Variants in DPYSL5 observed in about 807,000 individuals in gnomAD.
DPYSL5 encodes dihydropyrimidinase-related protein 5.
A neutral mutation model predicts 58.4 loss-of-function variants in DPYSL5; 9 were observed. The observed-to-expected ratio is 0.15, with a 90% CI of 0.09 to 0.27. DPYSL5 has a LOEUF of 0.27. DPYSL5 is among the 10% of genes least tolerant of loss of function. DPYSL5 has a pLI of 1.00. For synonymous variants in DPYSL5, 293 were observed against 301.9 expected (o/e 0.97, Z 0.31); for missense variants, 499 against 770.6 (o/e 0.65, Z 4.17).
intron 2 of DPYSL5, among the ~76,000 whole-genome samples, chr2:26,912,675 G>A (rs1664472164): frequency 6.6e-6 from 1 of 152,344 alleles, no homozygotes; most frequent in African/African-American, 2.4e-5. Context: ...GGAGCCAGCC[G>A]GCTCCGTACT....
Position 26,949,062 on chromosome 2 carries a change from T to G in DPYSL5, c.*2067T>G, listed in dbSNP as rs1028491276. 2.6e-5 allele frequency: 4 copies of G among 152,146 alleles called. No individual in the cohort carries two copies. Among genetic ancestry groups the G allele is most frequent in the Non-Finnish European group, 5.9e-5 (4 of 68,032 alleles). 9.4% of individuals were successfully genotyped at this position (152,146 alleles called of 1,614,324 possible). On this transcript the variant is annotated 3_prime_UTR_variant, in exon 13 of 13. Coordinates refer to ENST00000288699, the MANE Select transcript of DPYSL5 (RefSeq NM_020134.4). ...AGTGTCTGTGATGACCCTCCCAACC[T>G]TGGCTATCTACCCCACCTGTGGAGA...
Position 26,927,277 on chromosome 2 carries a change from G to A in DPYSL5, c.445G>A (p.Val149Met), listed in dbSNP as rs199808218. The A allele has an allele frequency of 3.7e-6, 6 of 1,614,048 alleles. No homozygotes were observed. In the Admixed American group the frequency reaches 6.7e-5, roughly 18 times the overall value. ...GGTGAAAGCAGAAATGGAGACACTG[G>A]TGAGGGAGAAGGGTGTCAACTCGTT... ...PKVKAEMETL[V>M]REKGVNSFQM... Residue 149 changes from valine (V) to methionine (M), a missense_variant, in exon 4 of 13, where the codon GTG becomes ATG. Val to Met is a conservative substitution (Grantham distance 21). This residue lies in a region of DPYSL5 where 404 missense variants were observed against 647.6 expected (regional missense o/e 0.62). Coordinates refer to ENST00000288699, the MANE Select transcript of DPYSL5 (RefSeq NM_020134.4). This position sits in a 1 kb window ranked among gnomAD's most constrained non-coding sequence, Gnocchi z 4.3.
chr2:26,892,786 AG>A (rs2148132961), intron 1 of DPYSL5, among the ~76,000 whole-genome samples: 1 of 152,056 alleles, frequency 6.6e-6, no homozygotes, highest in East Asian at 1.9e-4. Context: ...AGAGAGAGAG[AG>A]AGAGAGAATG....
intron 1 of DPYSL5, among the ~76,000 whole-genome samples, chr2:26,883,463 A>C (rs1663625185): frequency 6.6e-6 from 1 of 152,136 alleles, no homozygotes; most frequent in Non-Finnish European, 1.5e-5. Flanking sequence ...CAGTGGTGCG[A>C]TCTTGGCTCA....
At chr2:26,937,494 C>T (rs956250820) in intron 8 of DPYSL5, among the ~76,000 whole-genome samples, 1 of 152,134 alleles carries the variant, frequency 6.6e-6, no homozygotes, top group Non-Finnish European at 1.5e-5. Context: ...AAAATTCAGA[C>T]ACCAATTATT....
At chr2:26,852,536 AC>A (rs1158622881) in intron 1 of DPYSL5, among the ~76,000 whole-genome samples, 1 of 152,060 alleles carries the variant, frequency 6.6e-6, no homozygotes, top group Non-Finnish European at 1.5e-5. Context: ...CATTGATTGA[AC>A]CCGAGCTTGC....
Position 26,894,075 on chromosome 2 carries a change from A to G in DPYSL5, c.-4-4421A>G, listed in dbSNP as rs146127053. Among the ~76,000 whole-genome samples the G allele has an allele frequency of 1.7e-3, 256 of 148,956 alleles. 4 individuals carry two copies. The East Asian group carries it at 0.039, about 23-fold the overall frequency. ...AACAATTTTATATACTTATAATTAT[A>G]TAATTATAATTCATATTATAAATAT... is the stretch of plus-strand genomic sequence containing the variant. On this transcript the variant is annotated intron_variant, in intron 1 of 12. Transcript: ENST00000288699.
At position 26,925,608 on chromosome 2, in the gene DPYSL5, T is replaced by C. The variant is rs1377322851; in HGVS notation, c.420+563T>C. Among the ~76,000 whole-genome samples the C allele has an allele frequency of 6.6e-6, 1 of 152,186 alleles. No individual in the cohort carries two copies. The highest frequency in any genetic ancestry group is 2.4e-5 in the African/African-American group (1 of 41,444). ...GACTGAGGCTGGCACCCCCTGAGCC[T>C]TTCTCAGTTCAGCCTCTGTGCCTCC... On this transcript the variant is annotated intron_variant, in intron 3 of 12. Coordinates refer to ENST00000288699, the MANE Select transcript of DPYSL5 (RefSeq NM_020134.4). This position sits in a 1 kb window ranked among gnomAD's most constrained non-coding sequence, Gnocchi z 4.5.
intron 2 of DPYSL5, among the ~76,000 whole-genome samples, chr2:26,916,706 T>C (rs1664573425): frequency 6.6e-6 from 1 of 152,208 alleles, no homozygotes; most frequent in African/African-American, 2.4e-5. Context: ...CTTCCTATCC[T>C]AACATGACCT....
At position 26,849,237 on chromosome 2, in the gene DPYSL5, G is replaced by C. The variant is rs1665682286; in HGVS notation, c.-5+983G>C. Among the ~76,000 whole-genome samples, 1 of 151,936 alleles carries C rather than the reference G, an allele frequency of 6.6e-6. No individual in the cohort carries two copies. Among genetic ancestry groups the C allele is most frequent in the Non-Finnish European group, 1.5e-5 (1 of 67,936 alleles). ...GCTGAAGAATGGGGAGGGGAGGAGG[G>C]ATGCAGGCGGGTGGAGGCCGCCTGG... On this transcript the variant is annotated intron_variant, in intron 1 of 12. Coordinates refer to ENST00000288699, the MANE Select transcript of DPYSL5 (RefSeq NM_020134.4). The surrounding 1 kb of genome is among the most constrained non-coding windows in gnomAD (Gnocchi z 6.2).
chr2:26,870,247 C>G (rs1251210412), intron 1 of DPYSL5, among the ~76,000 whole-genome samples: 1 of 152,106 alleles, frequency 6.6e-6, no homozygotes, highest in African/African-American at 2.4e-5. Context: ...TCGTTTTGTC[C>G]TGTTCCATGG....
chr2:26,888,177 T>C (rs113022967), intron 1 of DPYSL5, among the ~76,000 whole-genome samples: 1 of 152,070 alleles, frequency 6.6e-6, no homozygotes, highest in Non-Finnish European at 1.5e-5. Context: ...TTTCTTTCTC[T>C]TTCTTTCTTT....
At chr2:26,913,049 C>G (rs1323704088) in intron 2 of DPYSL5, among the ~76,000 whole-genome samples, 2 of 152,162 alleles carry the variant, frequency 1.3e-5, no homozygotes, top group Middle Eastern at 3.2e-3. Flanking sequence ...GTAACCCCTC[C>G]CCTAGAGTTA....
intron 1 of DPYSL5, among the ~76,000 whole-genome samples, chr2:26,862,887 G>T (rs757067302): frequency 5.3e-5 from 8 of 152,326 alleles, no homozygotes; most frequent in Non-Finnish European, 1.0e-4. Flanking sequence ...AATGTGTACA[G>T]CCTATTCCAG....
chr2:26,879,785 T>C (rs757076169), intron 1 of DPYSL5, among the ~76,000 whole-genome samples: 1 of 152,210 alleles, frequency 6.6e-6, no homozygotes, highest in Non-Finnish European at 1.5e-5. Context: ...TCAGCTCTTA[T>C]TATTGTGTTT....
chr2:26,884,163 G>A (rs1366405013), intron 1 of DPYSL5, among the ~76,000 whole-genome samples: 7 of 152,204 alleles, frequency 4.6e-5, no homozygotes, highest in African/African-American at 9.7e-5. Context: ...AGTCGGTGCC[G>A]GGTGGGCGAG....
rs201718599 is a variant in DPYSL5 at position 26,932,046 on chromosome 2, AAGGAAAGAAAG to A, written c.714+364_714+374del. 2.0e-4 allele frequency among the ~76,000 whole-genome samples: 13 copies of A among 63,678 alleles called. No homozygotes were observed. The East Asian group carries it at 4.2e-3, about 21-fold the overall frequency. 41.8% of individuals were successfully genotyped at this position (63,678 alleles called of 152,430 possible). The stretch of plus-strand genomic sequence containing the variant: ...AAAAAGAAAGAAAAGAAAAGAAAGA[AAGGAAAGAAAG>A]AAAGAAAGAAAGAAAGAAAGAAAGA... On this transcript the variant is annotated intron_variant, in intron 6 of 12. Coordinates refer to ENST00000288699, the MANE Select transcript of DPYSL5 (RefSeq NM_020134.4).
At chr2:26,912,347 A>G (rs1427827634) in intron 2 of DPYSL5, among the ~76,000 whole-genome samples, 1 of 152,208 alleles carries the variant, frequency 6.6e-6, no homozygotes, top group Non-Finnish European at 1.5e-5. Flanking sequence ...TGGCACTGTC[A>G]CACCTTAGCT....
At chr2:26,922,105 A>G (rs1212183336) in intron 2 of DPYSL5, among the ~76,000 whole-genome samples, 3 of 152,102 alleles carry the variant, frequency 2.0e-5, no homozygotes, top group Non-Finnish European at 4.4e-5. Flanking sequence ...ACCCATTCCT[A>G]AACTACACTC....
Sources: allele counts gnomAD v4.1 joint callset (sites outside exome capture counted in the v4.1 genomes callset), GRCh38; gene constraint gnomAD v4.1.1; regional missense constraint gnomAD v4.1.1; non-coding constraint Gnocchi (gnomAD v3.1); transcripts MANE v1.5; gene names NCBI Gene and HGNC (gene_info 2026-07-23, HGNC 2026-07-21).